The following GPC5 variants were observed in gnomAD, a reference collection of about 807,000 sequenced individuals.
The protein encoded by GPC5 is glypican 5.
GPC5 carries 47 observed loss-of-function variants against 53.9 expected under a neutral mutation model. That is an observed-to-expected ratio of 0.87 (90% CI 0.69 to 1.11). GPC5 has a LOEUF of 1.11. GPC5 is among the 50% of genes most tolerant of loss of function. The pLI is 0.00. For missense variants in GPC5, 748 were observed against 713.1 expected (o/e 1.05, Z -0.56); for synonymous variants, 286 against 263.3 (o/e 1.09, Z -0.84).
At chr13:91,535,625 T>C (rs1299627621) in intron 2 of GPC5, among the ~76,000 whole-genome samples, 1 of 152,156 alleles carries the variant, frequency 6.6e-6, no homozygotes, top group Non-Finnish European at 1.5e-5. Context: ...GGACACAGGC[T>C]CTCTTCTCAG....
chr13:91,712,739 G>T lies in GPC5; in HGVS notation c.1021-15793G>T, dbSNP rs373589775. Among the ~76,000 whole-genome samples, 9 of 152,106 alleles carry T rather than the reference G, an allele frequency of 5.9e-5. No homozygotes were observed. In the South Asian group the frequency reaches 1.7e-3, roughly 28 times the overall value. On this transcript the variant is annotated intron_variant, in intron 3 of 7. Transcript: ENST00000377067. Reference sequence around the variant, plus strand: ...AGCTGAGTAGCCTTAGAACAAAGAGGTATTAGTAGTATCACAAAACCACTC... The same window carrying T: ...AGCTGAGTAGCCTTAGAACAAAGAGTTATTAGTAGTATCACAAAACCACTC...
At chr13:92,328,077 G>A (rs1457953771) in intron 7 of GPC5, among the ~76,000 whole-genome samples, 3 of 152,162 alleles carry the variant, frequency 2.0e-5, no homozygotes, top group African/African-American at 4.8e-5. Flanking sequence ...GTGGCACTGT[G>A]ATGATTCATG....
chr13:92,462,855 T>C (rs1265254953), intron 7 of GPC5, among the ~76,000 whole-genome samples: 1 of 152,058 alleles, frequency 6.6e-6, no homozygotes, highest in Admixed American at 6.6e-5. Flanking sequence ...TAGGTGGGAT[T>C]ACAGGCATGT....
intron 7 of GPC5, among the ~76,000 whole-genome samples, chr13:92,303,880 A>C (rs1186392448): frequency 3.3e-5 from 5 of 152,244 alleles, no homozygotes; most frequent in Non-Finnish European, 1.5e-5. Context: ...GTTTTCCAGC[A>C]TAAGTTTATA....
chr13:92,536,207 A>T (rs1268799776), intron 7 of GPC5, among the ~76,000 whole-genome samples: 7 of 152,156 alleles, frequency 4.6e-5, no homozygotes, highest in African/African-American at 1.4e-4. Flanking sequence ...CAACATTTTT[A>T]AAATCATTTG....
intron 7 of GPC5, among the ~76,000 whole-genome samples, chr13:92,667,720 C>T (rs946698570): frequency 3.3e-5 from 5 of 152,122 alleles, no homozygotes; most frequent in Admixed American, 1.3e-4. Flanking sequence ...TTTGCGGACA[C>T]GCTTGACTCT....
Position 91,965,197 on chromosome 13 carries a change from C to T in GPC5, c.1401+57140C>T, listed in dbSNP as rs1013837924. On this transcript the variant is annotated intron_variant, in intron 6 of 7. Transcript: ENST00000377067. ...TGTATACATGTGTAAAAAACGTGCA[C>T]GTTGTACACATGTACCCAGAACTTA... 1.4e-4 allele frequency among the ~76,000 whole-genome samples: 22 copies of T among 151,990 alleles called. No homozygotes were observed. In the East Asian group the frequency reaches 1.6e-3, roughly 11 times the overall value.
At chr13:92,222,815 A>G (rs1247430698) in intron 7 of GPC5, among the ~76,000 whole-genome samples, 1 of 152,208 alleles carries the variant, frequency 6.6e-6, no homozygotes, top group East Asian at 1.9e-4. Context: ...GTTTAAAATC[A>G]TTTCTCAAAT....
At chr13:91,449,854 A>G (rs1452834662) in intron 2 of GPC5, among the ~76,000 whole-genome samples, 4 of 152,272 alleles carry the variant, frequency 2.6e-5, no homozygotes, top group Non-Finnish European at 5.9e-5. Context: ...TTCTTCTTAT[A>G]AAGCATTAGC....
chr13:92,370,504 T>C (rs1222417909), intron 7 of GPC5, among the ~76,000 whole-genome samples: 1 of 146,680 alleles, frequency 6.8e-6, no homozygotes, highest in Non-Finnish European at 1.5e-5. Flanking sequence ...TGGTTTGCTT[T>C]AAAGATTCAA....
intron 7 of GPC5, among the ~76,000 whole-genome samples, chr13:92,366,754 G>C (rs917383699): frequency 5.3e-5 from 8 of 152,172 alleles, no homozygotes; most frequent in Non-Finnish European, 1.0e-4. Flanking sequence ...CTACACTTAA[G>C]AAAAAATGTC....
rs999906773 is a variant in GPC5 at position 91,528,470 on chromosome 13, C to T, written c.325+79548C>T. Among the ~76,000 whole-genome samples, 3 of 152,202 alleles carry T rather than the reference C, an allele frequency of 2.0e-5. No individual in the cohort carries two copies. In the East Asian group the frequency reaches 5.8e-4, roughly 29 times the overall value. ...TCTGACACCACCTCAGCCTGGACTTCATTGTCCATGTCGTTATCAGCATAT... is the reference window on the plus strand; with the variant it reads ...TCTGACACCACCTCAGCCTGGACTTTATTGTCCATGTCGTTATCAGCATAT... On this transcript the variant is annotated intron_variant, in intron 2 of 7. Transcript: ENST00000377067.
At chr13:92,790,553 T>C (rs1313686950) in intron 7 of GPC5, among the ~76,000 whole-genome samples, 1 of 152,130 alleles carries the variant, frequency 6.6e-6, no homozygotes, top group Non-Finnish European at 1.5e-5. Flanking sequence ...GTGCGAAGAA[T>C]GTAACATATT....
intron 5 of GPC5, among the ~76,000 whole-genome samples, chr13:91,866,180 T>G (rs1362733034): frequency 6.6e-6 from 1 of 152,146 alleles, no homozygotes; most frequent in Non-Finnish European, 1.5e-5. Flanking sequence ...GAATACTTTT[T>G]AAATTCATGC....
intron 6 of GPC5, among the ~76,000 whole-genome samples, chr13:92,069,746 C>A (rs1253284961): frequency 6.6e-6 from 1 of 152,080 alleles, no homozygotes; most frequent in Non-Finnish European, 1.5e-5. Flanking sequence ...TCAGCCTTGA[C>A]TTTTATCCAG....
intron 7 of GPC5, among the ~76,000 whole-genome samples, chr13:92,531,157 A>T (rs572996590): frequency 6.6e-6 from 1 of 152,150 alleles, no homozygotes; most frequent in Non-Finnish European, 1.5e-5. Context: ...GCCAAAGCCT[A>T]TATTCTTTTT....
At chr13:91,676,018 AGCCTGAAGTAACTCTTT>A (rs1264633290) in intron 2 of GPC5, among the ~76,000 whole-genome samples, 7 of 152,170 alleles carry the variant, frequency 4.6e-5, no homozygotes, top group Non-Finnish European at 1.0e-4. Context: ...GTGAATCAGG[AGCCTGAAGTAACTCTTT>A]GCCATAGATC....
chr13:91,530,271 A>G (rs1886283462), intron 2 of GPC5, among the ~76,000 whole-genome samples: 3 of 152,210 alleles, frequency 2.0e-5, no homozygotes, highest in African/African-American at 7.2e-5. Context: ...GGTTTGCCAG[A>G]GCTAGCTTAC....
At chr13:92,201,323 T>C (rs1023638623) in intron 7 of GPC5, among the ~76,000 whole-genome samples, 3 of 152,238 alleles carry the variant, frequency 2.0e-5, no homozygotes, top group African/African-American at 4.8e-5. Flanking sequence ...TTAAATCTAA[T>C]ATTTGATACA....
Sources: allele counts gnomAD v4.1 joint callset (sites outside exome capture counted in the v4.1 genomes callset), GRCh38; gene constraint gnomAD v4.1.1; transcripts MANE v1.5; gene names NCBI Gene and HGNC (gene_info 2026-07-23, HGNC 2026-07-21).